The following CDK6 variants were observed in gnomAD, a reference collection of about 807,000 sequenced individuals.
CDK6 encodes the protein cyclin dependent kinase 6.
Under a neutral mutation model 37.1 loss-of-function variants are expected in CDK6, and 6 were observed. That is an observed-to-expected ratio of 0.16 (90% CI 0.09 to 0.32). CDK6 has a LOEUF of 0.32. CDK6 is among the 10% of genes least tolerant of loss of function. The pLI is 1.00. For synonymous variants in CDK6, 160 were observed against 161.3 expected (o/e 0.99, Z 0.06); for missense variants, 224 against 418.9 (o/e 0.53, Z 4.06).
chr7:92,650,213 G>C (rs747544351), intron 5 of CDK6, among the ~76,000 whole-genome samples: 27 of 152,122 alleles, frequency 1.8e-4, no homozygotes, highest in Non-Finnish European at 3.4e-4. Context: ...ATGATACACA[G>C]ATACATACAC....
chr7:92,705,218 G>A (rs892823207), intron 4 of CDK6, among the ~76,000 whole-genome samples: 3 of 152,036 alleles, frequency 2.0e-5, no homozygotes, highest in African/African-American at 7.2e-5. Context: ...AACTCTCTTG[G>A]TTTTTGCTTC....
intron 4 of CDK6, among the ~76,000 whole-genome samples, chr7:92,694,234 T>G (rs1000638242): frequency 2.6e-5 from 4 of 152,212 alleles, no homozygotes; most frequent in Non-Finnish European, 4.4e-5. Context: ...GTATATTTAT[T>G]ACTTTGCAAA....
intron 3 of CDK6, among the ~76,000 whole-genome samples, chr7:92,757,935 T>C (rs1799356230): frequency 6.6e-6 from 1 of 152,258 alleles, no homozygotes; most frequent in African/African-American, 2.4e-5. Context: ...AATATGCTTG[T>C]TGACCACATG....
rs1197054821 is a variant in CDK6 at position 92,835,087 on chromosome 7, C to G, written c.-368+1391G>C. On this transcript the variant is annotated intron_variant, in intron 1 of 7. Coordinates refer to ENST00000424848, the MANE Select transcript of CDK6 (RefSeq NM_001145306.2). The surrounding 1 kb of genome is among the most constrained non-coding windows in gnomAD (Gnocchi z 4.2). ...CAGGAATTAAACAAACGGCGCGACC[C>G]CCACGATGAGCGGGTGGAGCGGACC... 6.6e-6 allele frequency: 1 copy of G among 152,240 alleles called. No homozygotes were observed. The highest frequency in any genetic ancestry group is 1.5e-5 in the Non-Finnish European group (1 of 68,068). 9.4% of individuals were successfully genotyped at this position (152,240 alleles called of 1,614,324 possible). A position where few individuals can be genotyped will look rare whatever the true frequency, so the allele number is the denominator to read the frequency against.
At chr7:92,651,847 G>C (rs1315375925) in intron 5 of CDK6, among the ~76,000 whole-genome samples, 1 of 151,884 alleles carries the variant, frequency 6.6e-6, no homozygotes, top group Non-Finnish European at 1.5e-5. Context: ...ATCTTGGAGA[G>C]GGGCAGGGGC....
chr7:92,689,999 T>C (rs1797566009), intron 4 of CDK6, among the ~76,000 whole-genome samples: 1 of 152,168 alleles, frequency 6.6e-6, no homozygotes, highest in Non-Finnish European at 1.5e-5. Context: ...TTTGTATGTT[T>C]CTTATAGATG....
rs1159412914 is a variant in CDK6 at position 92,630,318 on chromosome 7, A to G, written c.648-7232T>C. Among the ~76,000 whole-genome samples the G allele has an allele frequency of 5.4e-5, 8 of 147,486 alleles. No individual in the cohort carries two copies. In the East Asian group the frequency reaches 1.6e-3, roughly 30 times the overall value. On this transcript the variant is annotated intron_variant, in intron 5 of 7. Coordinates refer to ENST00000424848, the MANE Select transcript of CDK6 (RefSeq NM_001145306.2). ...TATTTATTTATTTATTTCCCTTCCA[A>G]AGCCTCCCTTATCTCTTGCTCTCCA...
chr7:92,785,467 A>G (rs1443054842), intron 2 of CDK6, among the ~76,000 whole-genome samples: 2 of 152,200 alleles, frequency 1.3e-5, no homozygotes, highest in African/African-American at 4.8e-5. Flanking sequence ...AATTTAGATC[A>G]TGGTGATAGC....
intron 5 of CDK6, among the ~76,000 whole-genome samples, chr7:92,660,091 C>T (rs765427544): frequency 6.6e-6 from 1 of 152,128 alleles, no homozygotes; most frequent in Non-Finnish European, 1.5e-5. Context: ...TGATGGTTTG[C>T]CTTCAGTGGC....
At chr7:92,797,630 C>T (rs1377868585) in intron 2 of CDK6, among the ~76,000 whole-genome samples, 1 of 152,176 alleles carries the variant, frequency 6.6e-6, no homozygotes, top group Admixed American at 6.6e-5. Context: ...CACACTGTAG[C>T]ATAATGTTTC....
chr7:92,748,558 C>T lies in CDK6; in HGVS notation c.370-22765G>A, dbSNP rs549599586. Among the ~76,000 whole-genome samples, 18 of 152,322 alleles carry T rather than the reference C, an allele frequency of 1.2e-4. No homozygotes were observed. In the South Asian group the frequency reaches 3.7e-3, roughly 32 times the overall value. On this transcript the variant is annotated intron_variant, in intron 3 of 7. Transcript: ENST00000424848. ...ACTTTCTACATTTTAACTCATTTGA[C>T]TTGCATATTTTAATCCTTGTTTTAT...
At chr7:92,821,544 C>T (rs1269398157) in intron 2 of CDK6, among the ~76,000 whole-genome samples, 2 of 152,062 alleles carry the variant, frequency 1.3e-5, no homozygotes, top group Non-Finnish European at 2.9e-5. Context: ...TAACTCTCCT[C>T]ACCTGCAAAC....
chr7:92,813,402 C>T (rs1159473538), intron 2 of CDK6, among the ~76,000 whole-genome samples: 1 of 152,194 alleles, frequency 6.6e-6, no homozygotes, highest in East Asian at 1.9e-4. Flanking sequence ...TGGTCCCCCA[C>T]ATATCTAAGT....
chr7:92,700,986 A>G (rs1054143959), intron 4 of CDK6, among the ~76,000 whole-genome samples: 1 of 152,272 alleles, frequency 6.6e-6, no homozygotes, highest in African/African-American at 2.4e-5. Context: ...CCTTAGTTAC[A>G]GAAGAAAAGA....
chr7:92,747,716 G>A (rs769578363), intron 3 of CDK6, among the ~76,000 whole-genome samples: 6 of 152,018 alleles, frequency 3.9e-5, no homozygotes, highest in Non-Finnish European at 7.4e-5. Context: ...CACTGTATTC[G>A]TCATAAACTG....
At chr7:92,645,675 C>T (rs560340305) in intron 5 of CDK6, among the ~76,000 whole-genome samples, 1 of 152,358 alleles carries the variant, frequency 6.6e-6, no homozygotes, top group African/African-American at 2.4e-5. Flanking sequence ...TGCTGCTCCT[C>T]CCCTCCTGTA....
intron 5 of CDK6, among the ~76,000 whole-genome samples, chr7:92,641,077 T>A (rs1329631353): frequency 1.3e-5 from 2 of 152,226 alleles, no homozygotes; most frequent in African/African-American, 4.8e-5. Flanking sequence ...GGAAAAACAG[T>A]TGAAAGATAA....
chr7:92,813,784 C>T lies in CDK6; in HGVS notation c.233+19307G>A, dbSNP rs552119101. ...GGAGGAACATGGGGGGAAATGCCCC[C>T]TTAAAAACGGCTAAGCAGCAATAGA... On this transcript the variant is annotated intron_variant, in intron 2 of 7. Transcript: ENST00000424848. 1.6e-4 allele frequency among the ~76,000 whole-genome samples: 24 copies of T among 152,258 alleles called. No homozygotes were observed. In the East Asian group the frequency reaches 4.0e-3, roughly 26 times the overall value.
At chr7:92,699,576 C>T (rs1454983151) in intron 4 of CDK6, among the ~76,000 whole-genome samples, 1 of 152,206 alleles carries the variant, frequency 6.6e-6, no homozygotes, top group African/African-American at 2.4e-5. Context: ...ACTACTCTCA[C>T]ATATTCTTAG....
Sources: allele counts gnomAD v4.1 joint callset (sites outside exome capture counted in the v4.1 genomes callset), GRCh38; gene constraint gnomAD v4.1.1; non-coding constraint Gnocchi (gnomAD v3.1); transcripts MANE v1.5; gene names NCBI Gene and HGNC (gene_info 2026-07-23, HGNC 2026-07-21).